Variants in CSNK1G1 observed in about 807,000 individuals in gnomAD.
CSNK1G1 encodes the protein casein kinase 1 gamma 1, also known as casein kinase I isoform gamma-1.
Under a neutral mutation model 59.6 loss-of-function variants are expected in CSNK1G1, and 22 were observed. The observed-to-expected ratio is 0.37, with a 90% CI of 0.26 to 0.53. The LOEUF (loss-of-function observed/expected upper bound fraction) is 0.53. Ranked by LOEUF, CSNK1G1 falls within the 20% of genes least tolerant of loss-of-function variation. The pLI, the probability that CSNK1G1 is intolerant of heterozygous loss-of-function variation, is 0.89. For synonymous variants in CSNK1G1, 179 were observed against 177.1 expected (o/e 1.01, Z -0.08); for missense variants, 384 against 519.5 (o/e 0.74, Z 2.54).
intron 1 of CSNK1G1, among the ~76,000 whole-genome samples, chr15:64,350,222 G>A (rs1016299021): frequency 3.0e-4 from 45 of 152,048 alleles, no homozygotes; most frequent in Admixed American, 4.6e-4. Flanking sequence ...GGCTGGTCGC[G>A]GTGGCTCACA....
At chr15:64,278,372 ATGTGCGTGTGTG>A (rs1156320490) in intron 2 of CSNK1G1, among the ~76,000 whole-genome samples, 18 of 119,104 alleles carry the variant, frequency 1.5e-4, no homozygotes, top group Non-Finnish European at 2.5e-4. Flanking sequence ...ATATGCATGT[ATGTGCGTGTGTG>A]TGTGTGTGTG....
At chr15:64,238,930 G>T (rs2082657706) in intron 4 of CSNK1G1, among the ~76,000 whole-genome samples, 1 of 152,126 alleles carries the variant, frequency 6.6e-6, no homozygotes. Context: ...AATGAGAACA[G>T]GAGGACCCAA....
intron 4 of CSNK1G1, among the ~76,000 whole-genome samples, chr15:64,224,623 A>G (rs531329595): frequency 2.0e-5 from 3 of 152,206 alleles, no homozygotes; most frequent in Non-Finnish European, 4.4e-5. Flanking sequence ...TGCTGGTTTA[A>G]TAACAAAAAC....
chr15:64,177,391 C>T (rs992832523), intron 11 of CSNK1G1, among the ~76,000 whole-genome samples: 1 of 152,208 alleles, frequency 6.6e-6, no homozygotes. Context: ...CACAGGGCTA[C>T]CCTTTCCTTG....
intron 10 of CSNK1G1, among the ~76,000 whole-genome samples, chr15:64,201,174 A>G (rs1279959759): frequency 6.6e-6 from 1 of 151,040 alleles, no homozygotes; most frequent in Non-Finnish European, 1.5e-5. Flanking sequence ...TGGGAGGCTG[A>G]GACAGGAGAA....
At chr15:64,285,188 G>A (rs998755084) in intron 2 of CSNK1G1, among the ~76,000 whole-genome samples, 1 of 151,936 alleles carries the variant, frequency 6.6e-6, no homozygotes, top group Non-Finnish European at 1.5e-5. Flanking sequence ...AACAGTTCTA[G>A]TACTCCACTT....
chr15:64,205,044 T>C lies in CSNK1G1; in HGVS notation c.766-95A>G. ...GACACAATGGTTGTTTCACTCAAAT[T>C]CGCAGTATTTGTTGGTCTTGATTTT... On this transcript the variant is annotated intron_variant, in intron 7 of 11. Transcript: ENST00000303052. The C allele has an allele frequency of 4.4e-6, 3 of 677,546 alleles. No homozygotes were observed. The South Asian group carries it at 6.2e-5, about 14-fold the overall frequency. The allele number at this position is 677,546 out of a possible 1,614,324, so 42.0% of individuals were successfully genotyped here.
chr15:64,185,017 C>T (rs866927764), intron 10 of CSNK1G1, among the ~76,000 whole-genome samples: 10 of 152,184 alleles, frequency 6.6e-5, no homozygotes, highest in Admixed American at 1.3e-4. Context: ...TAAAAGCTCC[C>T]TAAACATTTT....
chr15:64,291,343 T>G (rs974785301), intron 2 of CSNK1G1, among the ~76,000 whole-genome samples: 3 of 152,160 alleles, frequency 2.0e-5, no homozygotes, highest in Non-Finnish European at 4.4e-5. Flanking sequence ...TCCCAGCACT[T>G]TGGGAGGCTG....
chr15:64,242,593 G>C (rs1220445614), intron 4 of CSNK1G1, among the ~76,000 whole-genome samples: 2 of 152,090 alleles, frequency 1.3e-5, no homozygotes, highest in African/African-American at 4.8e-5. Flanking sequence ...TACAGTCTCA[G>C]GTATTTCCTC....
At chr15:64,223,398 A>C (rs1482812387) in intron 4 of CSNK1G1, among the ~76,000 whole-genome samples, 1 of 152,226 alleles carries the variant, frequency 6.6e-6, no homozygotes, top group Non-Finnish European at 1.5e-5. Flanking sequence ...TGCGGTAAAC[A>C]GGTACTTTCT....
intron 11 of CSNK1G1, among the ~76,000 whole-genome samples, chr15:64,174,332 G>A (rs909010383): frequency 2.0e-5 from 3 of 152,220 alleles, no homozygotes; most frequent in Admixed American, 6.5e-5. Context: ...TTCAAATTTA[G>A]AGCCCTGGAT....
intron 4 of CSNK1G1, among the ~76,000 whole-genome samples, chr15:64,238,079 TTC>T (rs1241836737): frequency 1.3e-5 from 2 of 152,088 alleles, no homozygotes; most frequent in Non-Finnish European, 2.9e-5. Flanking sequence ...GAAGGCAGCC[TTC>T]TGAGTCACAA....
chr15:64,241,667 TAAATACATGG>T (rs1472077653), intron 4 of CSNK1G1, among the ~76,000 whole-genome samples: 1 of 152,040 alleles, frequency 6.6e-6, no homozygotes, highest in African/African-American at 2.4e-5. Context: ...AGAAACTGTA[TAAATACATGG>T]AAATTCAACA....
At chr15:64,243,244 G>A (rs1891569006) in intron 4 of CSNK1G1, among the ~76,000 whole-genome samples, 1 of 152,102 alleles carries the variant, frequency 6.6e-6, no homozygotes, top group Non-Finnish European at 1.5e-5. Flanking sequence ...GCTGAGGCAG[G>A]AGAATCGCTT....
intron 1 of CSNK1G1, chr15:64,335,983 A>AT (rs1566952220): frequency 1.3e-5 from 2 of 152,230 alleles, no homozygotes; most frequent in East Asian, 3.8e-4. Flanking sequence ...AACACATAGT[A>AT]TAACAGTTGC....
chr15:64,204,702 G>GT, intron 8 of CSNK1G1, 113 bp from the exon 9 acceptor site: 1 of 1,265,188 alleles, frequency 7.9e-7, no homozygotes, highest in Non-Finnish European at 1.1e-6. Flanking sequence ...TGACACTGAT[G>GT]TTTTCTTTAC....
chr15:64,220,730 T>G (rs1445364936), intron 4 of CSNK1G1, among the ~76,000 whole-genome samples: 1 of 152,038 alleles, frequency 6.6e-6, no homozygotes. Context: ...TTTTGTTTGT[T>G]TTTGGTAGAG....
intron 4 of CSNK1G1, among the ~76,000 whole-genome samples, chr15:64,224,473 AC>A (rs2082430724): frequency 6.6e-6 from 1 of 152,198 alleles, no homozygotes; most frequent in South Asian, 2.1e-4. Flanking sequence ...AACCCATGAA[AC>A]AATGCATTAT....
Sources: gnomAD v4.1 joint callset for allele counts (sites outside exome capture counted in the v4.1 genomes callset) on GRCh38, gnomAD v4.1.1 for gene constraint, MANE v1.5 for transcripts, NCBI Gene and HGNC (gene_info 2026-07-23, HGNC 2026-07-21) for gene names.